The following ISL1 variants were observed in gnomAD, a reference collection of about 807,000 sequenced individuals.
ISL1 encodes the protein ISL LIM homeobox 1.
ISL1 carries 4 observed loss-of-function variants against 35.3 expected under a neutral mutation model. The ratio of observed to expected loss-of-function variants is 0.11; its 90% CI spans 0.06 to 0.26. The LOEUF is 0.26. Among genes scored for constraint, ISL1 ranks in the 10% least tolerant of loss-of-function variants. The pLI, the probability that ISL1 is intolerant of heterozygous loss-of-function variation, is 1.00. For synonymous variants in ISL1, 186 were observed against 172.3 expected, an observed-to-expected ratio of 1.08 and a Z score of -0.62; for missense variants, 340 against 472.8, an observed-to-expected ratio of 0.72 and a Z score of 2.60.
rs1747594137 is a variant in ISL1, at chr5:51,394,570, A to G, written c.*960A>G. The G allele has an allele frequency of 6.6e-6, 1 of 152,440 alleles. No homozygotes were observed. The highest frequency in any genetic ancestry group is 2.4e-5 in the African/African-American group (1 of 41,388). 9.4% of individuals were successfully genotyped at this position (152,440 alleles called of 1,614,324 possible). A position where few individuals can be genotyped will look rare whatever the true frequency, so the allele number is the denominator to read the frequency against. ...TGACATTTTTTGTTTGCTGAAGTGA[A>G]AAAAAAAGATAAAGGTTGTACGGTG... On this transcript the variant is annotated 3_prime_UTR_variant, in exon 6 of 6. Coordinates refer to ENST00000230658, the MANE Select transcript of ISL1 (RefSeq NM_002202.3).
In ISL1 at chr5:51,389,580, C is replaced by G; in HGVS notation, c.479-66C>G. ...GGGCAAGCGAGCGAGCGAGCGAGCGCGCGACCGCGGGCGGGCCGGCAAGCG... is the reference window on the plus strand; with the variant it reads ...GGGCAAGCGAGCGAGCGAGCGAGCGGGCGACCGCGGGCGGGCCGGCAAGCG... On this transcript the variant is annotated intron_variant, in intron 3 of 5. Coordinates refer to ENST00000230658, the MANE Select transcript of ISL1 (RefSeq NM_002202.3). The surrounding 1 kb of genome is among the most constrained non-coding windows in gnomAD (Gnocchi z 5.0). 7.3e-7 allele frequency: 1 copy of G among 1,364,920 alleles called. No homozygotes were observed. The highest frequency in any genetic ancestry group is 9.4e-7 in the Non-Finnish European group (1 of 1,060,968). 84.6% of individuals were successfully genotyped at this position (1,364,920 alleles called of 1,614,324 possible). A position where few individuals can be genotyped will look rare whatever the true frequency, so the allele number is the denominator to read the frequency against.
intron 5 of ISL1, among the ~76,000 whole-genome samples, chr5:51,392,158 A>C (rs1268757426): frequency 2.0e-5 from 3 of 152,212 alleles, no homozygotes; most frequent in African/African-American, 7.2e-5. Flanking sequence ...TCAGAAGTAA[A>C]GTGTTTAATC....
chr5:51,388,312 A>T (rs1333081886), intron 3 of ISL1, among the ~76,000 whole-genome samples: 2 of 152,226 alleles, frequency 1.3e-5, no homozygotes, highest in East Asian at 3.8e-4. Flanking sequence ...TAAAAACTGC[A>T]GGCCATTGCA....
chr5:51,384,575 C>A lies in ISL1; in HGVS notation c.63C>A (p.Gly21=). 8 of 1,614,116 alleles carry A rather than the reference C, an allele frequency of 5.0e-6. No individual in the cohort carries two copies. Among genetic ancestry groups the A allele is most frequent in the Non-Finnish European group, 6.8e-6 (8 of 1,180,014 alleles). The part of the protein sequence containing the change: ...KRLISLCVGC[G]NQIHDQYILR... ...TGATTTCCCTATGTGTTGGTTGCGG[C>A]AATCAGATTCACGATCAGTATATTC... The change falls in exon 2 of 6, where the codon GGC becomes GGA. Residue 21 remains glycine, a synonymous_variant. Coordinates refer to ENST00000230658, the MANE Select transcript of ISL1 (RefSeq NM_002202.3).
rs560067900 is a variant in ISL1 at position 51,387,921 on chromosome 5, T to C, written c.478+172T>C. ...TCTGCTCCTTTGCAGCAAGGTTCAA[T>C]GCACTCACTGTCTCCCTTGATTCCC... On this transcript the variant is annotated intron_variant, in intron 3 of 5. Transcript: ENST00000230658. This position sits in a 1 kb window ranked among gnomAD's most constrained non-coding sequence, Gnocchi z 4.3. 6.6e-6 allele frequency among the ~76,000 whole-genome samples: 1 copy of C among 152,382 alleles called. No individual in the cohort carries two copies. The highest frequency in any genetic ancestry group is 1.9e-4 in the East Asian group (1 of 5,178).
rs983333112 is a variant in ISL1, at chr5:51,394,650, G to A, written c.*1040G>A. 1 of 152,406 alleles carries A rather than the reference G, an allele frequency of 6.6e-6. No individual in the cohort carries two copies. The highest frequency in any genetic ancestry group is 2.4e-5 in the African/African-American group (1 of 41,358). The allele number at this position is 152,406 out of a possible 1,614,324, so 9.4% of individuals were successfully genotyped here. ...GTTTTGTCTTTTTCTTAAATATTAT[G>A]TGAAATCAAAGCGCCATATGTAGAA... On this transcript the variant is annotated 3_prime_UTR_variant, in exon 6 of 6. Transcript: ENST00000230658.
At chr5:51,385,162 G>A (rs780913982) in intron 2 of ISL1, among the ~76,000 whole-genome samples, 6 of 152,120 alleles carry the variant, frequency 3.9e-5, no homozygotes, top group Non-Finnish European at 7.4e-5. Context: ...TTCTTTGGTG[G>A]CATCAATGCA....
At chr5:51,384,446 C>T in intron 1 of ISL1, 95 bp from the exon 2 acceptor site, 3 of 1,103,596 alleles carry the variant, frequency 2.7e-6, no homozygotes, top group Non-Finnish European at 4.0e-6. Context: ...AAAAAAACCT[C>T]CCAGAGTACG....
chr5:51,390,642 CTTTTTTTTTTTTTTTTTTTTTTTTT>C (rs57707586), intron 4 of ISL1, among the ~76,000 whole-genome samples: 4 of 40,204 alleles, frequency 9.9e-5, no homozygotes, highest in African/African-American at 4.0e-4. Context: ...CTTTCTTTTT[CTTTTTTTTTTTTTTTTTTTTTTTTT>C]TTTTTTTTTT....
At position 51,389,672 on chromosome 5, in the gene ISL1, G is replaced by A. The variant is rs375950160; in HGVS notation, c.505G>A (p.Ala169Thr). The A allele has an allele frequency of 1.9e-6, 3 of 1,611,510 alleles. No individual in the cohort carries two copies. The highest frequency in any genetic ancestry group is 2.5e-6 in the Non-Finnish European group (3 of 1,179,754). Residue 169 changes from alanine to threonine, a missense_variant, in exon 4 of 6, where the codon GCC becomes ACC. Transcript: ENST00000230658. The surrounding 1 kb of genome is among the most constrained non-coding windows in gnomAD (Gnocchi z 5.0). The part of the protein sequence containing the change: ...AAEPISARQP[A>T]LRPHVHKQPE... ...GGAGCCCATCTCCGCCAGGCAGCCAGCCCTGCGGCCCCACGTCCACAAGCA... is the reference window on the plus strand; with the variant it reads ...GGAGCCCATCTCCGCCAGGCAGCCAACCCTGCGGCCCCACGTCCACAAGCA...
chr5:51,383,650 G>A lies in ISL1; in HGVS notation c.-22G>A. On this transcript the variant is annotated 5_prime_UTR_variant, in exon 1 of 6. Coordinates refer to ENST00000230658, the MANE Select transcript of ISL1 (RefSeq NM_002202.3). ...ACTGTACAACCACCATTTCACTGTG[G>A]ACATTACTCCCTCTTACAGATATGG... The A allele has an allele frequency of 6.3e-7, 1 of 1,599,366 alleles. No homozygotes were observed. Among genetic ancestry groups the A allele is most frequent in the Non-Finnish European group, 8.6e-7 (1 of 1,166,494 alleles).
chr5:51,386,418 T>TG, intron 2 of ISL1: 2 of 361,884 alleles, frequency 5.5e-6, no homozygotes, highest in Non-Finnish European at 1.1e-5. Flanking sequence ...GTGTGTAATC[T>TG]TGTAGTTGTA....
At chr5:51,383,840 G>A (rs1580725995) in intron 1 of ISL1, 141 bp downstream of exon 1, 1 of 755,500 alleles carries the variant, frequency 1.3e-6, no homozygotes, top group African/African-American at 1.7e-5. Context: ...TTTTCTTGTT[G>A]CCGCCACGCC....
Position 51,394,541 on chromosome 5 carries a change from C to A in ISL1, c.*931C>A, listed in dbSNP as rs1747593242. 6.6e-6 allele frequency: 1 copy of A among 150,608 alleles called. No individual in the cohort carries two copies. The highest frequency in any genetic ancestry group is 2.1e-4 in the South Asian group (1 of 4,700). The allele number at this position is 150,608 out of a possible 1,614,324, so 9.3% of individuals were successfully genotyped here. A position where few individuals can be genotyped will look rare whatever the true frequency, so the allele number is the denominator to read the frequency against. ...TCGGAAGACTTGCCACTTTTCATGT[C>A]ATTTGACATTTTTTGTTTGCTGAAG... On this transcript the variant is annotated 3_prime_UTR_variant, in exon 6 of 6. Coordinates refer to ENST00000230658, the MANE Select transcript of ISL1 (RefSeq NM_002202.3).
intron 4 of ISL1, among the ~76,000 whole-genome samples, chr5:51,390,786 A>G (rs1747495384): frequency 6.6e-6 from 1 of 150,610 alleles, no homozygotes; most frequent in Non-Finnish European, 1.5e-5. Flanking sequence ...AGTGCATAAT[A>G]GCACAATAGG....
At chr5:51,386,416 T>C (rs1747344289) in intron 2 of ISL1, 10 of 353,074 alleles carry the variant, frequency 2.8e-5, no homozygotes, top group South Asian at 2.1e-4. Flanking sequence ...GTGTGTGTAA[T>C]CTTGTAGTTG....
At position 51,391,488 on chromosome 5, in the gene ISL1, ACT is replaced by A. The variant is rs1561208725; in HGVS notation, c.933+50_933+51del. Reference sequence around the variant, plus strand: ...GAAGAGGCTGAATTCCCAACAGGAGACTCTGGTTTAACTGTCACACATTGAAA... The same window carrying A: ...GAAGAGGCTGAATTCCCAACAGGAGACTGGTTTAACTGTCACACATTGAAA... On this transcript the variant is annotated intron_variant, in intron 5 of 5. Coordinates refer to ENST00000230658, the MANE Select transcript of ISL1 (RefSeq NM_002202.3). The A allele has an allele frequency of 4.4e-6, 7 of 1,604,098 alleles. No homozygotes were observed. In the East Asian group the frequency reaches 1.6e-4, roughly 36 times the overall value.
At chr5:51,392,174 A>G (rs1747531586) in intron 5 of ISL1, among the ~76,000 whole-genome samples, 1 of 152,214 alleles carries the variant, frequency 6.6e-6, no homozygotes, top group South Asian at 2.1e-4. Flanking sequence ...TAATCTGTGA[A>G]AACCTTAACA....
intron 4 of ISL1, among the ~76,000 whole-genome samples, 190 bp from the exon 5 acceptor site, chr5:51,391,084 C>A (rs1422044094): frequency 6.6e-6 from 1 of 152,116 alleles, no homozygotes; most frequent in Non-Finnish European, 1.5e-5. Flanking sequence ...CCCACAGAGG[C>A]AGAAAAACAA....
Sources: allele counts gnomAD v4.1 joint callset (sites outside exome capture counted in the v4.1 genomes callset), GRCh38; gene constraint gnomAD v4.1.1; non-coding constraint Gnocchi (gnomAD v3.1); transcripts MANE v1.5; gene names NCBI Gene and HGNC (gene_info 2026-07-23, HGNC 2026-07-21).